Variants in MYZAP observed in about 807,000 individuals in gnomAD.
MYZAP encodes myocardial zonula adherens protein.
MYZAP carries 66 observed loss-of-function variants against 69.4 expected under a neutral mutation model. That is an observed-to-expected ratio of 0.95 (90% confidence interval 0.78 to 1.17). The LOEUF (loss-of-function observed/expected upper bound fraction) is 1.17. MYZAP is among the 50% of genes most tolerant of loss of function. The pLI is 0.00. For missense variants in MYZAP, 611 were observed against 556.2 expected, an observed-to-expected ratio of 1.10 and a Z score of -0.99; for synonymous variants, 256 against 205.9, an observed-to-expected ratio of 1.24 and a Z score of -2.09.
chr15:57,668,894 A>ATATT (rs1252525814), intron 11 of MYZAP, among the ~76,000 whole-genome samples: 5 of 62,600 alleles, frequency 8.0e-5, no homozygotes, highest in South Asian at 9.6e-4. Flanking sequence ...ATATATATAT[A>ATATT]TTTTTTTTTT....
At chr15:57,633,317 C>G (rs1362810584) in intron 7 of MYZAP, among the ~76,000 whole-genome samples, 1 of 152,100 alleles carries the variant, frequency 6.6e-6, no homozygotes, top group Non-Finnish European at 1.5e-5. Context: ...TTCTGAGCAT[C>G]TACTCAATGT....
chr15:57,678,900 G>A (rs2039281819), intron 12 of MYZAP, among the ~76,000 whole-genome samples: 1 of 152,006 alleles, frequency 6.6e-6, no homozygotes, highest in Non-Finnish European at 1.5e-5. Flanking sequence ...TTAGTTGCCG[G>A]GTGTGGTGTC....
chr15:57,641,644 C>T (rs1246525039), intron 10 of MYZAP, among the ~76,000 whole-genome samples: 2 of 152,140 alleles, frequency 1.3e-5, no homozygotes, highest in Non-Finnish European at 2.9e-5. Flanking sequence ...ATGTAGACCA[C>T]CACCACCACC....
At chr15:57,647,148 C>G in intron 10 of MYZAP, 1 of 985,414 alleles carries the variant, frequency 1.0e-6, no homozygotes, top group South Asian at 4.7e-5. Context: ...TGCTTTCTTG[C>G]TAATATTTGC....
In MYZAP at chr15:57,623,644, A is replaced by G. The variant is rs59699354; in HGVS notation, c.411+1944A>G. The stretch of plus-strand genomic sequence containing the variant: ...GCTACTCCGTTGGCTGAGGCAGGAG[A>G]ATCACTTGAGCCTGGGAGGTGGAGG... On this transcript the variant is annotated intron_variant, in intron 4 of 12. Coordinates refer to ENST00000267853, the MANE Select transcript of MYZAP (RefSeq NM_001018100.5). Among the ~76,000 whole-genome samples, 1,420 of 152,098 alleles carry G rather than the reference A, an allele frequency of 9.3e-3. 25 individuals carry two copies. The highest frequency in any genetic ancestry group is 0.032 in the African/African-American group (1,340 of 41,470).
chr15:57,675,161 C>A, intron 12 of MYZAP, 93 bp downstream of exon 12: 1 of 1,123,648 alleles, frequency 8.9e-7, no homozygotes, highest in Non-Finnish European at 1.3e-6. Context: ...GAATTGCATT[C>A]TTCCTATCAC....
intron 2 of MYZAP, among the ~76,000 whole-genome samples, chr15:57,610,231 G>A (rs1023310947): frequency 1.9e-4 from 29 of 152,344 alleles, no homozygotes; most frequent in African/African-American, 6.7e-4. Flanking sequence ...GAGCAGATGC[G>A]TGGGTATGGA....
intron 10 of MYZAP, among the ~76,000 whole-genome samples, chr15:57,643,377 G>A (rs2037271333): frequency 6.6e-6 from 1 of 152,186 alleles, no homozygotes; most frequent in African/African-American, 2.4e-5. Context: ...CTGTTGAAAA[G>A]CTTTGTTGGG....
At chr15:57,609,578 G>A (rs1195457305) in intron 2 of MYZAP, among the ~76,000 whole-genome samples, 1 of 152,140 alleles carries the variant, frequency 6.6e-6, no homozygotes, top group Non-Finnish European at 1.5e-5. Flanking sequence ...CCTAGGTACT[G>A]GAGGTTAGGA....
rs200126298 is a variant in MYZAP, at chr15:57,625,799, G to A, written c.432G>A (p.Glu144=). Residue 144 remains glutamate (E), a synonymous_variant, in exon 5 of 13, where the codon GAG becomes GAA. Transcript: ENST00000267853. ...QELSVSHAQQ[E]YLENHIQTQS... ...TCCAGGTTTCCCATGCTCAGCAGGA[G>A]TATCTGGAGAATCACATCCAAACCC... 120 of 1,614,084 alleles carry A rather than the reference G, an allele frequency of 7.4e-5. No individual in the cohort carries two copies. Among genetic ancestry groups the A allele is most frequent in the Admixed American group, 1.5e-4 (9 of 60,016 alleles).
chr15:57,621,370 C>T (rs965923125), intron 3 of MYZAP, among the ~76,000 whole-genome samples: 1 of 151,690 alleles, frequency 6.6e-6, no homozygotes, highest in African/African-American at 2.4e-5. Flanking sequence ...ACCACCACAC[C>T]CCCCAACTAA....
In MYZAP at chr15:57,616,822, C is replaced by CTTTTTTTT. The variant is rs763856721; in HGVS notation, c.163-1193_163-1186dup. On this transcript the variant is annotated intron_variant, in intron 2 of 12. Coordinates refer to ENST00000267853, the MANE Select transcript of MYZAP (RefSeq NM_001018100.5). ...GAGACTCCATCTAAAAAAAAAAGTG[C>CTTTTTTTT]TTTTTTTTTTTTTTTTTTTTTTTTT... 1.7e-3 allele frequency among the ~76,000 whole-genome samples: 84 copies of CTTTTTTTT among 50,060 alleles called. 14 individuals carry two copies. Among genetic ancestry groups the CTTTTTTTT allele is most frequent in the Admixed American group, 0.015 (41 of 2,814 alleles). The allele number at this position is 50,060 out of a possible 152,430, so 32.8% of individuals were successfully genotyped here. A position where few individuals can be genotyped will look rare whatever the true frequency, so the allele number is the denominator to read the frequency against.
At chr15:57,649,493 A>T (rs1455078202) in intron 10 of MYZAP, among the ~76,000 whole-genome samples, 1 of 152,162 alleles carries the variant, frequency 6.6e-6, no homozygotes, top group Non-Finnish European at 1.5e-5. Flanking sequence ...TGGCCATTCA[A>T]GTTTCCTCCT....
At chr15:57,644,621 TAC>T in intron 10 of MYZAP, among the ~76,000 whole-genome samples, 2 of 151,822 alleles carry the variant, frequency 1.3e-5, no homozygotes, top group Middle Eastern at 3.4e-3. Flanking sequence ...ATTTTTGTAT[TAC>T]TGTTATTATT....
intron 12 of MYZAP, 147 bp downstream of exon 12, chr15:57,675,215 C>G: frequency 2.6e-6 from 2 of 778,390 alleles, no homozygotes; most frequent in South Asian, 3.8e-5. Flanking sequence ...AGAGGCTTGA[C>G]TGGTTTCTGT....
chr15:57,627,408 G>A (rs1273273151), intron 5 of MYZAP, among the ~76,000 whole-genome samples: 1 of 128,956 alleles, frequency 7.8e-6, no homozygotes, highest in Admixed American at 7.9e-5. Context: ...GGAGGGGAGG[G>A]GAAGGGGGAG....
chr15:57,622,658 A>G (rs1249764863), intron 4 of MYZAP, among the ~76,000 whole-genome samples: 8 of 152,212 alleles, frequency 5.3e-5, no homozygotes, highest in African/African-American at 1.9e-4. Context: ...AATATGTGCT[A>G]TTGGGAAAAC....
chr15:57,647,694 C>G (rs2037511974), intron 10 of MYZAP: 1 of 985,274 alleles, frequency 1.0e-6, no homozygotes, highest in Admixed American at 6.2e-5. Context: ...ACTGCATAGC[C>G]TGAGAGTGCC....
intron 8 of MYZAP, among the ~76,000 whole-genome samples, 173 bp from the exon 9 acceptor site, chr15:57,637,522 A>T (rs1445764035): frequency 6.6e-6 from 1 of 152,240 alleles, no homozygotes; most frequent in Non-Finnish European, 1.5e-5. Flanking sequence ...ATCTATAAAT[A>T]CACAACAACA....
Sources: gnomAD v4.1 joint callset for allele counts (sites outside exome capture counted in the v4.1 genomes callset) on GRCh38, gnomAD v4.1.1 for gene constraint, MANE v1.5 for transcripts, NCBI Gene and HGNC (gene_info 2026-07-23, HGNC 2026-07-21) for gene names.